Variants in KAZN observed in about 807,000 individuals in gnomAD.
KAZN encodes kazrin.
In KAZN, 40 loss-of-function variants were observed where a neutral mutation model predicts 87.4. The ratio of observed to expected loss-of-function variants is 0.46; its 90% CI spans 0.36 to 0.60. KAZN has a LOEUF of 0.60. Ranked by LOEUF, KAZN falls within the 20% of genes least tolerant of loss-of-function variation. The probability of loss-of-function intolerance (pLI) is 0.00; values close to 1 mark genes in which losing one functional copy is unlikely to be tolerated. For synonymous variants in KAZN, 466 were observed against 458.3 expected, an observed-to-expected ratio of 1.02 and a Z score of -0.22; for missense variants, 898 against 1,073.9, an observed-to-expected ratio of 0.84 and a Z score of 2.29.
chr1:14,079,305 A>G (rs1178859737), intron 1 of KAZN, among the ~76,000 whole-genome samples: 1 of 152,256 alleles, frequency 6.6e-6, no homozygotes, highest in Non-Finnish European at 1.5e-5. Context: ...ATTTAATTTT[A>G]CATCAACAAG....
At chr1:14,667,462 T>C (rs1639635432) in intron 1 of KAZN, among the ~76,000 whole-genome samples, 1 of 152,224 alleles carries the variant, frequency 6.6e-6, no homozygotes, top group African/African-American at 2.4e-5. Flanking sequence ...GCAAGAACAC[T>C]AGAGGACTGT....
chr1:14,550,023 C>A (rs1031534411), intron 2 of KAZN, among the ~76,000 whole-genome samples: 1 of 152,208 alleles, frequency 6.6e-6, no homozygotes, highest in Non-Finnish European at 1.5e-5. Flanking sequence ...AAATGAGGGT[C>A]CCTTCTGCAA....
In KAZN at chr1:14,564,175, T is replaced by C. The variant is rs79896284; in HGVS notation, c.250-34808T>C. 9.6e-4 allele frequency among the ~76,000 whole-genome samples: 146 copies of C among 152,252 alleles called. 3 individuals are homozygous for C. In the East Asian group the frequency reaches 0.022, roughly 23 times the overall value. The stretch of plus-strand genomic sequence containing the variant: ...CAGGCCCCAGCGCACCTCTTCCTGG[T>C]TGTGATGTTCTGAACTTAGTATTTC... On this transcript the variant is annotated intron_variant, in intron 2 of 16. Coordinates refer to the KAZN transcript ENST00000636203.
chr1:14,027,550 G>T (rs192168599), intron 1 of KAZN, among the ~76,000 whole-genome samples: 1 of 152,132 alleles, frequency 6.6e-6, no homozygotes, highest in African/African-American at 2.4e-5. Flanking sequence ...ATCAGAGAAG[G>T]TTGCAATAGC....
intron 1 of KAZN, among the ~76,000 whole-genome samples, chr1:14,676,093 A>T (rs1434343185): frequency 6.6e-6 from 1 of 152,172 alleles, no homozygotes; most frequent in East Asian, 1.9e-4. Context: ...TCAGGAAAAG[A>T]CCCAGGGATG....
At chr1:14,392,731 C>T (rs981194847) in intron 2 of KAZN, among the ~76,000 whole-genome samples, 1 of 152,082 alleles carries the variant, frequency 6.6e-6, no homozygotes, top group African/African-American at 2.4e-5. Flanking sequence ...TGCCAAATGT[C>T]CCCTGGGCGG....
intron 2 of KAZN, among the ~76,000 whole-genome samples, chr1:15,032,339 C>A (rs1462931744): frequency 6.6e-6 from 1 of 151,616 alleles, no homozygotes; most frequent in Admixed American, 6.6e-5. Context: ...ACTACAGGCA[C>A]CTGCCACTAC....
At chr1:14,637,093 C>T (rs978171319) in intron 1 of KAZN, among the ~76,000 whole-genome samples, 1 of 152,116 alleles carries the variant, frequency 6.6e-6, no homozygotes, top group Non-Finnish European at 1.5e-5. Flanking sequence ...CTTTCTCATT[C>T]CTGTGGTTGG....
chr1:14,986,832 C>T (rs1018828276), intron 2 of KAZN, among the ~76,000 whole-genome samples: 2 of 152,194 alleles, frequency 1.3e-5, no homozygotes, highest in African/African-American at 4.8e-5. Flanking sequence ...ATCACTGTGC[C>T]TGCCCTCACC....
At chr1:14,553,550 A>C (rs1673675815) in intron 2 of KAZN, among the ~76,000 whole-genome samples, 1 of 152,138 alleles carries the variant, frequency 6.6e-6, no homozygotes, top group Non-Finnish European at 1.5e-5. Flanking sequence ...CATTTTTCAG[A>C]TGGGAAAACT....
intron 1 of KAZN, among the ~76,000 whole-genome samples, chr1:14,632,421 C>G (rs573276530): frequency 6.6e-6 from 1 of 152,166 alleles, no homozygotes; most frequent in South Asian, 2.1e-4. Flanking sequence ...GAAAACGCTT[C>G]TATGGTAAAA....
chr1:13,954,386 C>G (rs1641464775), intron 1 of KAZN, among the ~76,000 whole-genome samples: 2 of 152,200 alleles, frequency 1.3e-5, no homozygotes. Flanking sequence ...AAATCACTGA[C>G]TGGTTCAAAA....
At chr1:14,793,418 G>C (rs936767519) in intron 1 of KAZN, among the ~76,000 whole-genome samples, 3 of 152,188 alleles carry the variant, frequency 2.0e-5, no homozygotes, top group Non-Finnish European at 2.9e-5. Context: ...GAAGTTAGGG[G>C]CTGAGAATCT....
At chr1:14,794,512 G>C (rs759762235) in intron 1 of KAZN, among the ~76,000 whole-genome samples, 9 of 152,190 alleles carry the variant, frequency 5.9e-5, no homozygotes, top group Non-Finnish European at 1.2e-4. Context: ...TGAACAACCA[G>C]TTCTCACTGC....
intron 1 of KAZN, among the ~76,000 whole-genome samples, chr1:13,898,811 G>C (rs1639140285): frequency 6.6e-6 from 1 of 152,184 alleles, no homozygotes; most frequent in South Asian, 2.1e-4. Flanking sequence ...TCCTTCTGAA[G>C]GCTGCCAGCT....
At chr1:14,286,950 A>G (rs1000027198) in intron 2 of KAZN, among the ~76,000 whole-genome samples, 3 of 152,252 alleles carry the variant, frequency 2.0e-5, no homozygotes, top group South Asian at 2.1e-4. Context: ...AGAGGAGCCT[A>G]TTTCTCCTAA....
intron 2 of KAZN, among the ~76,000 whole-genome samples, chr1:15,013,699 A>G (rs113160473): frequency 3.3e-5 from 5 of 151,862 alleles, no homozygotes; most frequent in African/African-American, 1.2e-4. Flanking sequence ...AGGTTGAATG[A>G]GCTGAGATCG....
chr1:14,892,584 G>A (rs1654833468), intron 1 of KAZN, among the ~76,000 whole-genome samples: 1 of 152,182 alleles, frequency 6.6e-6, no homozygotes, highest in African/African-American at 2.4e-5. Context: ...CAGAGTGGAA[G>A]GGAAAGTGCT....
In KAZN at chr1:14,471,539, G is replaced by A. The variant is rs79473463; in HGVS notation, c.250-127444G>A. Among the ~76,000 whole-genome samples the A allele has an allele frequency of 9.4e-3, 1,428 of 152,210 alleles. 23 individuals carry two copies. The highest frequency in any genetic ancestry group is 6.3e-3 in the Non-Finnish European group (431 of 68,024). Reference sequence around the variant, plus strand: ...GCCAATGGAAGAACCATTGGGGAACGTTGAGTAGAGGCGTGACAATGCTGA... The same window carrying A: ...GCCAATGGAAGAACCATTGGGGAACATTGAGTAGAGGCGTGACAATGCTGA... On this transcript the variant is annotated intron_variant, in intron 2 of 16. Transcript: ENST00000636203.
Sources: gnomAD v4.1 joint callset for allele counts (sites outside exome capture counted in the v4.1 genomes callset) on GRCh38, gnomAD v4.1.1 for gene constraint, MANE v1.5 for transcripts, NCBI Gene and HGNC (gene_info 2026-07-23, HGNC 2026-07-21) for gene names.